Variants in SNX29 observed in about 807,000 individuals in gnomAD.
SNX29 encodes the protein sorting nexin-29.
A neutral mutation model predicts 102.1 loss-of-function variants in SNX29; 78 were observed. That is an observed-to-expected ratio of 0.76 (90% CI 0.64 to 0.92). The LOEUF is 0.92. Ranked by LOEUF, SNX29 falls within the 40% of genes least tolerant of loss-of-function variation. The probability of loss-of-function intolerance (pLI) is 0.00; values close to 1 mark genes in which losing one functional copy is unlikely to be tolerated. For synonymous variants in SNX29, 580 were observed against 414.5 expected, an observed-to-expected ratio of 1.40 and a Z score of -4.85; for missense variants, 1,280 against 1,061.7, an observed-to-expected ratio of 1.21 and a Z score of -2.86.
intron 19 of SNX29, among the ~76,000 whole-genome samples, chr16:12,516,746 G>C (rs2089884140): frequency 6.6e-6 from 1 of 152,170 alleles, no homozygotes; most frequent in African/African-American, 2.4e-5. Flanking sequence ...ACCTCTGTCT[G>C]TCACGTAGCT....
intron 15 of SNX29, among the ~76,000 whole-genome samples, chr16:12,316,032 C>G (rs1012290977): frequency 1.3e-5 from 2 of 152,150 alleles, no homozygotes; most frequent in African/African-American, 4.8e-5. Flanking sequence ...GCTGAGTGCT[C>G]CGAAGAAGGC....
chr16:12,039,575 T>G (rs2057571051), intron 4 of SNX29, among the ~76,000 whole-genome samples: 1 of 152,078 alleles, frequency 6.6e-6, no homozygotes, highest in South Asian at 2.1e-4. Flanking sequence ...ATGGGTGTAC[T>G]TGCCTCCTTC....
intron 20 of SNX29, among the ~76,000 whole-genome samples, chr16:12,549,452 A>G (rs1487067475): frequency 2.0e-5 from 3 of 151,970 alleles, no homozygotes; most frequent in Admixed American, 1.3e-4. Context: ...CTAAGATTGC[A>G]CCATTGAACT....
chr16:12,494,912 C>T (rs543156641), intron 19 of SNX29, among the ~76,000 whole-genome samples: 1 of 152,178 alleles, frequency 6.6e-6, no homozygotes. Flanking sequence ...AGAATGGTGG[C>T]TATTTATTGA....
chr16:12,369,874 C>T (rs970757102), intron 16 of SNX29, among the ~76,000 whole-genome samples: 4 of 152,206 alleles, frequency 2.6e-5, no homozygotes, highest in African/African-American at 9.6e-5. Context: ...GCACAAGTTG[C>T]ATCTGATGTT....
intron 20 of SNX29, among the ~76,000 whole-genome samples, chr16:12,561,878 C>T (rs182513168): frequency 7.9e-5 from 12 of 152,256 alleles, no homozygotes; most frequent in Admixed American, 5.2e-4. Context: ...GGGCTGTCTC[C>T]TAGGTGACCG....
intron 4 of SNX29, among the ~76,000 whole-genome samples, chr16:12,029,154 G>A (rs2057274429): frequency 6.6e-6 from 1 of 151,206 alleles, no homozygotes; most frequent in Non-Finnish European, 1.5e-5. Flanking sequence ...GCTAGGGTAA[G>A]TTCAGAGAGG....
In SNX29 at chr16:12,512,457, A is replaced by G. The variant is rs112119355; in HGVS notation, c.2179-12245A>G. On this transcript the variant is annotated intron_variant, in intron 19 of 20. Coordinates refer to ENST00000566228, the MANE Select transcript of SNX29 (RefSeq NM_032167.5). ...GAGACAGGGTCTCCCTCTGTTGCCC[A>G]GGCTGGAGTGCAGTGGTGCGATCTC... 3.0e-3 allele frequency among the ~76,000 whole-genome samples: 391 copies of G among 131,156 alleles called. 3 individuals are homozygous for G. The highest frequency in any genetic ancestry group is 0.01 in the African/African-American group (370 of 35,616). 86.0% of individuals were successfully genotyped at this position (131,156 alleles called of 152,430 possible).
chr16:12,408,374 C>G (rs572265948), intron 18 of SNX29, among the ~76,000 whole-genome samples: 1 of 152,338 alleles, frequency 6.6e-6, no homozygotes, highest in African/African-American at 2.4e-5. Flanking sequence ...CCAGCAAGCC[C>G]TCCACATCCA....
In SNX29 at chr16:12,398,478, C is replaced by T; in HGVS notation, c.1932C>T (p.Asp644=). 1.2e-6 allele frequency: 2 copies of T among 1,614,004 alleles called. No homozygotes were observed. The highest frequency in any genetic ancestry group is 1.7e-6 in the Non-Finnish European group (2 of 1,179,888). Residue 644 remains aspartate (D), a synonymous_variant, in exon 17 of 21, where the codon GAC becomes GAT. Coordinates refer to ENST00000566228, the MANE Select transcript of SNX29 (RefSeq NM_032167.5). ...GAGATTTGAGTCAAACGTCCGAAGA[C>T]CAGAGTTTGTCGGATTTTGAAATGT... ...VPGDLSQTSE[D]QSLSDFEISN...
At chr16:12,271,057 A>G (rs1023469343) in intron 14 of SNX29, among the ~76,000 whole-genome samples, 1 of 152,158 alleles carries the variant, frequency 6.6e-6, no homozygotes, top group Non-Finnish European at 1.5e-5. Context: ...CAATCAATAA[A>G]TAAAGTGGTC....
Position 12,572,280 on chromosome 16 carries a change from A to C in SNX29, c.*3651A>C. The C allele has an allele frequency of 5.7e-6, 6 of 1,055,226 alleles. No individual in the cohort carries two copies. The highest frequency in any genetic ancestry group is 6.8e-6 in the Non-Finnish European group (6 of 875,926). The allele number at this position is 1,055,226 out of a possible 1,614,324, so 65.4% of individuals were successfully genotyped here. ...CATGGCTGTAGCTGATGCAACTAACAAGTACTGGGGCCAGTGATCACAATC... is the reference window on the plus strand; with the variant it reads ...CATGGCTGTAGCTGATGCAACTAACCAGTACTGGGGCCAGTGATCACAATC... On this transcript the variant is annotated 3_prime_UTR_variant, in exon 21 of 21. Coordinates refer to ENST00000566228, the MANE Select transcript of SNX29 (RefSeq NM_032167.5).
intron 15 of SNX29, among the ~76,000 whole-genome samples, chr16:12,347,251 C>A (rs750976962): frequency 8.0e-5 from 12 of 150,020 alleles, no homozygotes; most frequent in Non-Finnish European, 1.5e-4. Flanking sequence ...GATGATCTGC[C>A]CCACAGGTCT....
At chr16:12,038,897 C>A (rs968334982) in intron 4 of SNX29, 1 of 152,184 alleles carries the variant, frequency 6.6e-6, no homozygotes, top group African/African-American at 2.4e-5. Context: ...CCAGATTCCC[C>A]GTCCTGGTTT....
At chr16:12,263,534 C>T (rs956620260) in intron 14 of SNX29, among the ~76,000 whole-genome samples, 7 of 152,180 alleles carry the variant, frequency 4.6e-5, no homozygotes, top group African/African-American at 1.7e-4. Context: ...TATACTCTAT[C>T]CCTATTCCTT....
intron 14 of SNX29, among the ~76,000 whole-genome samples, chr16:12,244,804 G>A (rs1381824961): frequency 6.6e-6 from 1 of 152,132 alleles, no homozygotes; most frequent in Non-Finnish European, 1.5e-5. Flanking sequence ...AAGATCCCTG[G>A]TTAATGCTCA....
At chr16:12,530,471 G>T (rs2076901725) in intron 20 of SNX29, among the ~76,000 whole-genome samples, 1 of 151,926 alleles carries the variant, frequency 6.6e-6, no homozygotes, top group African/African-American at 2.4e-5. Flanking sequence ...CAAGTCTTTT[G>T]TGTAACTGCA....
chr16:12,296,831 C>T (rs556653809), intron 15 of SNX29, among the ~76,000 whole-genome samples: 1 of 152,340 alleles, frequency 6.6e-6, no homozygotes, highest in East Asian at 1.9e-4. Context: ...AGGACTAAAG[C>T]GAGGCCCACC....
At chr16:12,276,190 G>A (rs1200417513) in intron 14 of SNX29, among the ~76,000 whole-genome samples, 1 of 152,104 alleles carries the variant, frequency 6.6e-6, no homozygotes, top group Admixed American at 6.5e-5. Flanking sequence ...CACCGCACCT[G>A]GCCTTAATTG....
Sources: gnomAD v4.1 joint callset for allele counts (sites outside exome capture counted in the v4.1 genomes callset) on GRCh38, gnomAD v4.1.1 for gene constraint, MANE v1.5 for transcripts, NCBI Gene and HGNC (gene_info 2026-07-23, HGNC 2026-07-21) for gene names.